Variants in ZNF615 observed in about 807,000 individuals in gnomAD.
ZNF615 encodes zinc finger protein 615.
ZNF615 carries 15 observed loss-of-function variants against 15.3 expected under a neutral mutation model. The observed-to-expected ratio is 0.98, with a 90% CI of 0.66 to 1.51. ZNF615 has a LOEUF of 1.51. Ranked by LOEUF, ZNF615 falls within the 40% of genes most tolerant of loss-of-function variation. ZNF615 has a pLI of 0.00. For missense variants in ZNF615, 848 were observed against 895.9 expected, an observed-to-expected ratio of 0.95 and a Z score of 0.68; for synonymous variants, 268 against 294.6, an observed-to-expected ratio of 0.91 and a Z score of 0.92.
rs756582619 is a variant in ZNF615, at chr19:51,993,111, A to C, written c.1998T>G (p.Thr666=). ...TGCGCAAAGAGAATTTTCCACATTC[A>C]GTACATGCAAAGGAAGTCTTTCCTG... ...FHTGKTSFAC[T]ECGKFSLRKN... The change falls in exon 7 of 7, where the codon ACT becomes ACG. Residue 666 remains threonine (T), a synonymous_variant. Transcript: ENST00000598071. 6.2e-7 allele frequency: 1 copy of C among 1,614,206 alleles called. No individual in the cohort carries two copies. Among genetic ancestry groups the C allele is most frequent in the Admixed American group, 1.7e-5 (1 of 60,030 alleles).
Position 52,002,203 on chromosome 19 carries a change from G to T in ZNF615, c.94C>A (p.Leu32Met), listed in dbSNP as rs753153122. 4 of 1,614,198 alleles carry T rather than the reference G, an allele frequency of 2.5e-6. No homozygotes were observed. Among genetic ancestry groups the T allele is most frequent in the Non-Finnish European group, 3.4e-6 (4 of 1,180,030 alleles). ...WQFLSPAQKDLYRDVMLENYS... is the reference protein window; with the variant it reads ...WQFLSPAQKDMYRDVMLENYS... Reference sequence around the variant, plus strand: ...TTCTCCAACATCACGTCCCGGTACAGGTCCTTCTGAGCAGGGCTCAGGAAC... The same window carrying T: ...TTCTCCAACATCACGTCCCGGTACATGTCCTTCTGAGCAGGGCTCAGGAAC... The change falls in exon 4 of 7, where the codon CTG (leucine) becomes ATG (methionine). Residue 32 changes from leucine to methionine, a missense_variant. By Grantham distance (15) the Leu-to-Met change is conservative. Transcript: ENST00000598071.
Position 51,992,738 on chromosome 19 carries a change from T to G in ZNF615, c.*142A>C. The G allele has an allele frequency of 9.8e-7, 1 of 1,024,972 alleles. No homozygotes were observed. The highest frequency in any genetic ancestry group is 1.4e-6 in the Non-Finnish European group (1 of 698,086). The allele number at this position is 1,024,972 out of a possible 1,614,324, so 63.5% of individuals were successfully genotyped here. A position where few individuals can be genotyped will look rare whatever the true frequency, so the allele number is the denominator to read the frequency against. ...TAATGTCCTAAAATATTTTCTCAAA[T>G]GTTTTGTACATGTTTTCTCTGACAC... On this transcript the variant is annotated 3_prime_UTR_variant, in exon 7 of 7. Coordinates refer to ENST00000598071, the MANE Select transcript of ZNF615 (RefSeq NM_001199324.2).
chr19:51,994,411 T>C lies in ZNF615; in HGVS notation c.698A>G (p.His233Arg). The C allele has an allele frequency of 1.2e-6, 2 of 1,614,212 alleles. No homozygotes were observed. The highest frequency in any genetic ancestry group is 1.7e-6 in the Non-Finnish European group (2 of 1,180,038). ...AFLKLSQFIDHQRVHTGEKPH... is the reference protein window; with the variant it reads ...AFLKLSQFIDRQRVHTGEKPH... ...TTTTTCTCCAGTGTGAACTCTCTGA[T>C]GATCAATAAACTGAGACAACTTGAG... Residue 233 changes from histidine to arginine, a missense_variant, in exon 7 of 7, where the codon CAT (histidine) becomes CGT (arginine). Coordinates refer to ENST00000598071, the MANE Select transcript of ZNF615 (RefSeq NM_001199324.2).
At chr19:52,003,596 T>G in intron 3 of ZNF615, 101 bp downstream of exon 3, 1 of 1,119,026 alleles carries the variant, frequency 8.9e-7, no homozygotes, top group South Asian at 1.4e-5. Context: ...CAGGTCCTGA[T>G]ATTTCCAATT....
At chr19:52,007,241 T>C (rs556224287) in intron 2 of ZNF615, 52 bp downstream of exon 2, 40 of 1,137,370 alleles carry the variant, frequency 3.5e-5, no homozygotes, top group Admixed American at 9.3e-5. Flanking sequence ...ACGTCTAAAA[T>C]TGAAATATTC....
Position 51,992,811 on chromosome 19 carries a change from T to G in ZNF615, c.*69A>C, listed in dbSNP as rs755674251. On this transcript the variant is annotated 3_prime_UTR_variant, in exon 7 of 7. Coordinates refer to ENST00000598071, the MANE Select transcript of ZNF615 (RefSeq NM_001199324.2). ...TAAATAAACAACCATGTAGTCTGCA[T>G]TCATGAAATTACTCTTCTTTGCAGA... 3.9e-6 allele frequency: 6 copies of G among 1,520,248 alleles called. No homozygotes were observed. The highest frequency in any genetic ancestry group is 5.4e-6 in the Non-Finnish European group (6 of 1,118,550). The allele number at this position is 1,520,248 out of a possible 1,614,324, so 94.2% of individuals were successfully genotyped here.
In ZNF615 at chr19:51,994,742, T is replaced by C. The variant is rs1384630625; in HGVS notation, c.367A>G (p.Asn123Asp). Reference sequence around the variant, plus strand: ...TGACCTTTGTTCTGATTAACAATATTTCCAAACATATTCTGTTCATGGCAC... The same window carrying C: ...TGACCTTTGTTCTGATTAACAATATCTCCAAACATATTCTGTTCATGGCAC... ...KQCHEQNMFGNIVNQNKGHFL... is the reference protein window; with the variant it reads ...KQCHEQNMFGDIVNQNKGHFL... The change falls in exon 7 of 7, where the codon AAT becomes GAT. Residue 123 changes from asparagine (N) to aspartate (D), a missense_variant. Physicochemically the swap from Asn to Asp is conservative, Grantham distance 23. Transcript: ENST00000598071. 1.2e-6 allele frequency: 2 copies of C among 1,613,786 alleles called. No individual in the cohort carries two copies. Among genetic ancestry groups the C allele is most frequent in the African/African-American group, 1.3e-5 (1 of 74,938 alleles).
At position 51,993,073 on chromosome 19, in the gene ZNF615, A is replaced by G; in HGVS notation, c.2036T>C (p.Ile679Thr). ...TCCTGTGTGAATTCTCTGATGTGTA[A>G]TAAGATCATTTTTGCGCAAAGAGAA... ...GKFSLRKNDL[I>T]THQRIHTGEK... Residue 679 changes from isoleucine (I) to threonine (T), a missense_variant, in exon 7 of 7, where the codon ATT becomes ACT. By Grantham distance (89) the Ile-to-Thr change is moderately conservative. Coordinates refer to ENST00000598071, the MANE Select transcript of ZNF615 (RefSeq NM_001199324.2). 6.2e-7 allele frequency: 1 copy of G among 1,614,158 alleles called. No homozygotes were observed. Among genetic ancestry groups the G allele is most frequent in the Non-Finnish European group, 8.5e-7 (1 of 1,180,024 alleles).
intron 4 of ZNF615, 90 bp downstream of exon 4, chr19:52,002,065 C>A (rs1351519689): frequency 9.3e-6 from 15 of 1,613,480 alleles, no homozygotes; most frequent in Non-Finnish European, 1.3e-5. Flanking sequence ...ATGTGAGAAT[C>A]TACCACTTCA....
intron 3 of ZNF615, among the ~76,000 whole-genome samples, chr19:52,002,976 G>A (rs749196212): frequency 5.9e-5 from 9 of 151,824 alleles, no homozygotes; most frequent in Admixed American, 1.3e-4. Flanking sequence ...ACAGGCGCAC[G>A]CCACCACACC....
rs1417335055 is a variant in ZNF615 at position 52,007,342 on chromosome 19, T to C, written c.-227-12A>G. On this transcript the variant is annotated splice_polypyrimidine_tract_variant and intron_variant, in intron 1 of 6. Coordinates refer to ENST00000598071, the MANE Select transcript of ZNF615 (RefSeq NM_001199324.2). Reference sequence around the variant, plus strand: ...GTGTCAGAAAGAACCTGAAAAGAAATATCCAAGAGGATACGCTGGAAACTT... The same window carrying C: ...GTGTCAGAAAGAACCTGAAAAGAAACATCCAAGAGGATACGCTGGAAACTT... 1 of 1,286,652 alleles carries C rather than the reference T, an allele frequency of 7.8e-7. No individual in the cohort carries two copies. Among genetic ancestry groups the C allele is most frequent in the Non-Finnish European group, 1.0e-6 (1 of 986,844 alleles). 79.7% of individuals were successfully genotyped at this position (1,286,652 alleles called of 1,614,324 possible). A position where few individuals can be genotyped will look rare whatever the true frequency, so the allele number is the denominator to read the frequency against.
rs2086606270 is a variant in ZNF615 at position 52,001,882 on chromosome 19, G to C, written c.169C>G (p.Leu57Val). The change falls in exon 5 of 7, where the codon CTC (leucine) becomes GTC (valine). Residue 57 changes from leucine to valine, a missense_variant. By Grantham distance (32) the Leu-to-Val change is conservative. Coordinates refer to ENST00000598071, the MANE Select transcript of ZNF615 (RefSeq NM_001199324.2). ...TCTTCTCCTCGTTCCAATTTGGAGA[G>C]TGCATCTGGTTTGCTGGCTTGATAC... ...VGYQASKPDA[L>V]SKLERGEETC... The C allele has an allele frequency of 6.2e-7, 1 of 1,614,058 alleles. No homozygotes were observed. Among genetic ancestry groups the C allele is most frequent in the Non-Finnish European group, 8.5e-7 (1 of 1,180,044 alleles).
chr19:52,000,322 A>G, intron 6 of ZNF615, 24 bp downstream of exon 6: 1 of 608,972 alleles, frequency 1.6e-6, no homozygotes, highest in Non-Finnish European at 3.0e-6. Flanking sequence ...CCTCGGCATC[A>G]GGCAATATAT....
chr19:51,992,596 C>A lies in ZNF615; in HGVS notation c.*284G>T. ...CGTTCCTATAATTATTACATTTCCA[C>A]GAATTAGTAGTTTATTCATGATCTA... On this transcript the variant is annotated 3_prime_UTR_variant, in exon 7 of 7. Coordinates refer to ENST00000598071, the MANE Select transcript of ZNF615 (RefSeq NM_001199324.2). The A allele has an allele frequency of 3.3e-6, 1 of 304,924 alleles. No homozygotes were observed. 18.9% of individuals were successfully genotyped at this position (304,924 alleles called of 1,614,324 possible).
At chr19:52,005,408 A>G (rs1034700239) in intron 2 of ZNF615, among the ~76,000 whole-genome samples, 1 of 152,264 alleles carries the variant, frequency 6.6e-6, no homozygotes, top group African/African-American at 2.4e-5. Flanking sequence ...CAATAGTGTC[A>G]GCAATAAAAC....
At chr19:51,995,458 T>C (rs529587092) in intron 6 of ZNF615, among the ~76,000 whole-genome samples, 6 of 152,238 alleles carry the variant, frequency 3.9e-5, no homozygotes, top group Non-Finnish European at 7.4e-5. Flanking sequence ...ACCACACAGG[T>C]TGATCCCAAA....
At position 51,996,429 on chromosome 19, in the gene ZNF615, G is replaced by C. The variant is rs909429794; in HGVS notation, c.272-1592C>G. The stretch of plus-strand genomic sequence containing the variant: ...AAAAACGCAAAACTATATGGCTTCA[G>C]CCATTGGATAGGAAGAAAAAACCTC... On this transcript the variant is annotated intron_variant, in intron 6 of 6. Coordinates refer to ENST00000598071, the MANE Select transcript of ZNF615 (RefSeq NM_001199324.2). Among the ~76,000 whole-genome samples the C allele has an allele frequency of 2.1e-5, 3 of 140,246 alleles. No individual in the cohort carries two copies. In the Admixed American group the frequency reaches 2.2e-4, roughly 10 times the overall value. The allele number at this position is 140,246 out of a possible 152,430, so 92.0% of individuals were successfully genotyped here. A position where few individuals can be genotyped will look rare whatever the true frequency, so the allele number is the denominator to read the frequency against.
chr19:52,000,604 G>A lies in ZNF615; in HGVS notation c.239-226C>T, dbSNP rs570319839. Among the ~76,000 whole-genome samples, 15 of 152,172 alleles carry A rather than the reference G, an allele frequency of 9.9e-5. No individual in the cohort carries two copies. The South Asian group carries it at 2.9e-3, about 29-fold the overall frequency. Reference sequence around the variant, plus strand: ...GGTAGTCTCTTCCAGAGAATGAAGAGTTAATTCACGGGAATGAAAAAAACT... The same window carrying A: ...GGTAGTCTCTTCCAGAGAATGAAGAATTAATTCACGGGAATGAAAAAAACT... On this transcript the variant is annotated intron_variant, in intron 5 of 6. Coordinates refer to ENST00000598071, the MANE Select transcript of ZNF615 (RefSeq NM_001199324.2).
intron 6 of ZNF615, among the ~76,000 whole-genome samples, chr19:51,996,301 G>T (rs534465217): frequency 6.9e-6 from 1 of 145,978 alleles, no homozygotes; most frequent in Non-Finnish European, 1.5e-5. Context: ...CACAAGAATC[G>T]CTTGAACCCA....
Sources: allele counts gnomAD v4.1 joint callset (sites outside exome capture counted in the v4.1 genomes callset), GRCh38; gene constraint gnomAD v4.1.1; transcripts MANE v1.5; gene names NCBI Gene and HGNC (gene_info 2026-07-23, HGNC 2026-07-21).